The following PDGFC variants were observed in gnomAD, a reference collection of about 807,000 sequenced individuals.
PDGFC encodes platelet derived growth factor C, also known as platelet-derived growth factor C.
Under a neutral mutation model 35.5 loss-of-function variants are expected in PDGFC, and 12 were observed. The ratio of observed to expected loss-of-function variants is 0.34; its 90% CI spans 0.22 to 0.55. The LOEUF (loss-of-function observed/expected upper bound fraction) is 0.55, where lower values mean the gene tolerates loss of function less well. PDGFC is among the 20% of genes least tolerant of loss of function. The pLI is 0.91. For missense variants in PDGFC, 322 were observed against 412.4 expected, an observed-to-expected ratio of 0.78 and a Z score of 1.90; for synonymous variants, 159 against 148.8, an observed-to-expected ratio of 1.07 and a Z score of -0.50.
chr4:156,792,779 C>G (rs540865363), intron 3 of PDGFC, among the ~76,000 whole-genome samples: 63 of 152,262 alleles, frequency 4.1e-4, no homozygotes, highest in African/African-American at 1.5e-3. Context: ...ATTTCACACA[C>G]CTGCATTTTA....
chr4:156,785,313 T>C (rs1452094429), intron 3 of PDGFC, among the ~76,000 whole-genome samples: 1 of 152,196 alleles, frequency 6.6e-6, no homozygotes, highest in African/African-American at 2.4e-5. Flanking sequence ...GGGATTCTTC[T>C]GCCTCAGGCT....
chr4:156,943,916 C>T (rs138167981), intron 1 of PDGFC, among the ~76,000 whole-genome samples: 6 of 152,248 alleles, frequency 3.9e-5, no homozygotes, highest in African/African-American at 1.4e-4. Context: ...TCATCCCAAA[C>T]GTCCAGGCTT....
chr4:156,915,067 C>A (rs567368881), intron 1 of PDGFC, among the ~76,000 whole-genome samples: 64 of 152,082 alleles, frequency 4.2e-4, no homozygotes, highest in South Asian at 2.5e-3. Context: ...CACACACACA[C>A]AAAAAAATGG....
At chr4:156,782,253 G>A (rs1029342899) in intron 3 of PDGFC, among the ~76,000 whole-genome samples, 8 of 152,058 alleles carry the variant, frequency 5.3e-5, no homozygotes, top group Non-Finnish European at 7.4e-5. Flanking sequence ...GATACCCTTG[G>A]CTGCTCACTT....
intron 1 of PDGFC, among the ~76,000 whole-genome samples, chr4:156,881,458 T>C (rs1206012010): frequency 6.6e-6 from 1 of 152,142 alleles, no homozygotes; most frequent in Non-Finnish European, 1.5e-5. Flanking sequence ...GTGGCTCCCA[T>C]AATTCCCACG....
intron 1 of PDGFC, among the ~76,000 whole-genome samples, chr4:156,919,714 T>C (rs1363571986): frequency 6.6e-6 from 1 of 152,142 alleles, no homozygotes; most frequent in African/African-American, 2.4e-5. Context: ...CTGTAGTCAT[T>C]TGGATAGTGA....
At chr4:156,872,796 A>T (rs895475413) in intron 1 of PDGFC, among the ~76,000 whole-genome samples, 1 of 152,208 alleles carries the variant, frequency 6.6e-6, no homozygotes, top group Non-Finnish European at 1.5e-5. Context: ...GAAATTAAAA[A>T]TTTATTTGTA....
chr4:156,773,315 ATAAT>A (rs952023531), intron 3 of PDGFC, among the ~76,000 whole-genome samples: 2 of 152,204 alleles, frequency 1.3e-5, no homozygotes, highest in African/African-American at 4.8e-5. Flanking sequence ...GGAATAAGAA[ATAAT>A]TAACCCAAAA....
chr4:156,945,311 TTATA>T (rs1296179161), intron 1 of PDGFC, among the ~76,000 whole-genome samples: 2 of 132,168 alleles, frequency 1.5e-5, no homozygotes, highest in South Asian at 2.4e-4. Flanking sequence ...ATATTTTAAA[TTATA>T]TATATGTGTA....
chr4:156,963,541 T>C (rs1208572092), intron 1 of PDGFC, among the ~76,000 whole-genome samples: 1 of 149,270 alleles, frequency 6.7e-6, no homozygotes, highest in East Asian at 2.0e-4. Flanking sequence ...AGTCTGAAAA[T>C]AAAAGAGGAA....
chr4:156,870,373 A>C (rs1729951199), intron 1 of PDGFC, among the ~76,000 whole-genome samples: 2 of 152,154 alleles, frequency 1.3e-5, no homozygotes, highest in Admixed American at 1.3e-4. Context: ...AAAACAGACA[A>C]TATTTCATAA....
intron 1 of PDGFC, among the ~76,000 whole-genome samples, chr4:156,869,356 A>T (rs1729923421): frequency 6.6e-6 from 1 of 151,996 alleles, no homozygotes; most frequent in African/African-American, 2.4e-5. Context: ...GAATGGCTTG[A>T]ACCCAGGAGG....
intron 1 of PDGFC, among the ~76,000 whole-genome samples, chr4:156,920,293 A>G (rs1414117543): frequency 1.3e-5 from 2 of 152,226 alleles, no homozygotes; most frequent in African/African-American, 4.8e-5. Flanking sequence ...TACATCTAAG[A>G]AATGCATTAC....
At chr4:156,846,021 T>C (rs999202146) in intron 2 of PDGFC, among the ~76,000 whole-genome samples, 3 of 151,556 alleles carry the variant, frequency 2.0e-5, no homozygotes, top group Non-Finnish European at 3.0e-5. Flanking sequence ...GAAATTAAAA[T>C]CTAATAAGGA....
chr4:156,776,620 A>G (rs1730836994), intron 3 of PDGFC, among the ~76,000 whole-genome samples: 1 of 152,228 alleles, frequency 6.6e-6, no homozygotes, highest in Non-Finnish European at 1.5e-5. Flanking sequence ...AGCATCTACA[A>G]TCTATGTGAT....
chr4:156,884,891 G>T (rs2111179681), intron 1 of PDGFC, among the ~76,000 whole-genome samples: 1 of 152,236 alleles, frequency 6.6e-6, no homozygotes, highest in Middle Eastern at 3.4e-3. Flanking sequence ...TTACAAACAA[G>T]TTTTAACAAG....
At chr4:156,870,324 CAAAGG>C (rs1729949743) in intron 1 of PDGFC, among the ~76,000 whole-genome samples, 1 of 151,964 alleles carries the variant, frequency 6.6e-6, no homozygotes, top group African/African-American at 2.4e-5. Context: ...GTATTGCCTC[CAAAGG>C]AATTTCATCA....
chr4:156,971,182 G>A lies in PDGFC; in HGVS notation c.-279C>T, dbSNP rs924661587. On this transcript the variant is annotated 5_prime_UTR_variant, in exon 1 of 6. Transcript: ENST00000502773. ...AAATCCTGAGCTGTGGCGAAGTGGT[G>A]GGGGTGGGGGTGAAGGCGAGGGAGG... 7 of 447,106 alleles carry A rather than the reference G, an allele frequency of 1.6e-5. No homozygotes were observed. Among genetic ancestry groups the A allele is most frequent in the African/African-American group, 1.2e-4 (6 of 51,254 alleles). The allele number at this position is 447,106 out of a possible 1,614,324, so 27.7% of individuals were successfully genotyped here.
chr4:156,916,787 C>A (rs1333914837), intron 1 of PDGFC, among the ~76,000 whole-genome samples: 1 of 152,176 alleles, frequency 6.6e-6, no homozygotes, highest in Non-Finnish European at 1.5e-5. Context: ...TTTTGGTTCA[C>A]TCTGGAAACA....
Sources: allele counts gnomAD v4.1 joint callset (sites outside exome capture counted in the v4.1 genomes callset), GRCh38; gene constraint gnomAD v4.1.1; transcripts MANE v1.5; gene names NCBI Gene and HGNC (gene_info 2026-07-23, HGNC 2026-07-21).